The following TLN2 variants were observed in gnomAD, a reference collection of about 807,000 sequenced individuals.
TLN2 encodes talin 2, also known as talin-2.
Under a neutral mutation model 294.7 loss-of-function variants are expected in TLN2, and 118 were observed. The observed-to-expected ratio is 0.40, with a 90% CI of 0.34 to 0.47. The LOEUF is 0.47. Among genes scored for constraint, TLN2 ranks in the 20% least tolerant of loss-of-function variants. The pLI is 0.84. For synonymous variants in TLN2, 1,431 were observed against 1,304.5 expected (o/e 1.10, Z -2.09); for missense variants, 3,083 against 3,282.2 (o/e 0.94, Z 1.48).
At chr15:62,397,706 C>T (rs1192958369) in intron 1 of TLN2, among the ~76,000 whole-genome samples, 1 of 152,172 alleles carries the variant, frequency 6.6e-6, no homozygotes, top group Non-Finnish European at 1.5e-5. Context: ...AACTAAAATG[C>T]ATGGAAATCA....
At chr15:62,805,535 G>A in intron 50 of TLN2, 65 bp from the exon 51 acceptor site, 1 of 1,475,838 alleles carries the variant, frequency 6.8e-7, no homozygotes, top group African/African-American at 1.4e-5. Context: ...CCTGGTTGGA[G>A]AAGAATAAAT....
chr15:62,790,137 A>C (rs1480905215), intron 45 of TLN2, among the ~76,000 whole-genome samples: 1 of 152,244 alleles, frequency 6.6e-6, no homozygotes, highest in South Asian at 2.1e-4. Context: ...ACCAAAGCAA[A>C]ACACAGAAAT....
At chr15:62,581,728 A>G (rs993123701) in intron 1 of TLN2, among the ~76,000 whole-genome samples, 4 of 152,186 alleles carry the variant, frequency 2.6e-5, no homozygotes, top group African/African-American at 9.7e-5. Context: ...GTTTATTCAC[A>G]GACCCCAGGT....
rs369087702 is a variant in TLN2, at chr15:62,414,400, T to A, written c.-238+23715T>A. ...GTAAGAAGCTAGTTTGTCCTTCAAG[T>A]AGAGGCTGAGGTGCTGTGTTCAGCA... On this transcript the variant is annotated intron_variant, in intron 1 of 58. Transcript: ENST00000636159. 7.4e-4 allele frequency among the ~76,000 whole-genome samples: 102 copies of A among 137,496 alleles called. 5 individuals are homozygous for A. The highest frequency in any genetic ancestry group is 2.4e-3 in the African/African-American group (94 of 38,688). The allele number at this position is 137,496 out of a possible 152,430, so 90.2% of individuals were successfully genotyped here.
At chr15:62,582,246 A>C (rs1561751) in intron 1 of TLN2, among the ~76,000 whole-genome samples, 5,104 of 137,206 alleles carry the variant, frequency 0.037, 239 homozygotes, top group East Asian at 0.081. Flanking sequence ...ACACACACAC[A>C]CATTCATGCC....
intron 1 of TLN2, among the ~76,000 whole-genome samples, chr15:62,582,848 G>A (rs1017426831): frequency 5.9e-5 from 9 of 152,154 alleles, no homozygotes; most frequent in Admixed American, 4.6e-4. Flanking sequence ...GTAGATCAGA[G>A]TGTAGCCCAA....
intron 9 of TLN2, among the ~76,000 whole-genome samples, chr15:62,665,041 T>G (rs563723161): frequency 2.6e-5 from 4 of 152,094 alleles, no homozygotes; most frequent in Non-Finnish European, 5.9e-5. Flanking sequence ...TACTTTTCTA[T>G]AATTTGAAAT....
chr15:62,575,012 A>G (rs2140660359), intron 1 of TLN2, among the ~76,000 whole-genome samples: 1 of 152,260 alleles, frequency 6.6e-6, no homozygotes, highest in South Asian at 2.1e-4. Context: ...ATCATCTGAA[A>G]GTTTATTATC....
chr15:62,463,252 G>C (rs190048203), intron 1 of TLN2, among the ~76,000 whole-genome samples: 14 of 152,244 alleles, frequency 9.2e-5, no homozygotes, highest in Non-Finnish European at 1.3e-4. Context: ...CTTTCTGACC[G>C]TCCGCCCACC....
At chr15:62,483,100 C>T (rs1181350662) in intron 1 of TLN2, among the ~76,000 whole-genome samples, 1 of 152,218 alleles carries the variant, frequency 6.6e-6, no homozygotes, top group Non-Finnish European at 1.5e-5. Context: ...AGCTCCTTTG[C>T]TGGCTTGCTG....
At chr15:62,569,110 C>G (rs2043650449) in intron 1 of TLN2, among the ~76,000 whole-genome samples, 1 of 152,206 alleles carries the variant, frequency 6.6e-6, no homozygotes, top group Non-Finnish European at 1.5e-5. Context: ...CCTCTGTCTT[C>G]ATACAGTCTG....
chr15:62,767,358 T>C (rs1156289212), intron 41 of TLN2, among the ~76,000 whole-genome samples: 1 of 151,474 alleles, frequency 6.6e-6, no homozygotes, highest in Non-Finnish European at 1.5e-5. Flanking sequence ...GTTTTTTTTT[T>C]CAGACAGAGC....
chr15:62,659,573 T>A (rs764121936), intron 9 of TLN2, among the ~76,000 whole-genome samples: 13 of 152,206 alleles, frequency 8.5e-5, no homozygotes, highest in Non-Finnish European at 1.3e-4. Flanking sequence ...TGCTCCACAC[T>A]CACACTCCAG....
At chr15:62,524,081 G>A (rs955117640) in intron 1 of TLN2, among the ~76,000 whole-genome samples, 1 of 152,204 alleles carries the variant, frequency 6.6e-6, no homozygotes, top group Non-Finnish European at 1.5e-5. Context: ...TTCCCAGTTA[G>A]GCATTTTGTA....
intron 1 of TLN2, among the ~76,000 whole-genome samples, chr15:62,498,061 A>G (rs1226677337): frequency 6.6e-6 from 1 of 151,288 alleles, no homozygotes; most frequent in Non-Finnish European, 1.5e-5. Context: ...CAGCCTGGGT[A>G]ACATGTTGAA....
At chr15:62,766,762 C>G (rs1405173015) in intron 41 of TLN2, among the ~76,000 whole-genome samples, 2 of 152,250 alleles carry the variant, frequency 1.3e-5, no homozygotes, top group Non-Finnish European at 2.9e-5. Flanking sequence ...AGCCTGGAGT[C>G]TGCCACCTTT....
intron 32 of TLN2, among the ~76,000 whole-genome samples, chr15:62,741,748 C>CGCGCGCACGTGTGTGTGTGTGTGTGTGT: frequency 7.6e-6 from 1 of 131,072 alleles, no homozygotes; most frequent in African/African-American, 2.9e-5. Flanking sequence ...AAAATTTGCG[C>CGCGCGCACGTGTGTGTGTGTGTGTGTGT]GTGTGTGTGT....
chr15:62,820,628 G>A lies in TLN2; in HGVS notation c.7002+18G>A, dbSNP rs201643855. The A allele has an allele frequency of 1.2e-6, 2 of 1,610,138 alleles. No individual in the cohort carries two copies. The highest frequency in any genetic ancestry group is 2.2e-5 in the East Asian group (1 of 44,764). ...AACCAAAAGTAAGTGTTCATTTATG[G>A]TTGGCTGTCCGATGTCAGTGGGTTC... On this transcript the variant is annotated intron_variant, in intron 54 of 58. Coordinates refer to ENST00000636159, the MANE Select transcript of TLN2 (RefSeq NM_015059.3).
At chr15:62,705,488 TCTGA>T (rs1056618626) in intron 19 of TLN2, among the ~76,000 whole-genome samples, 3 of 152,204 alleles carry the variant, frequency 2.0e-5, no homozygotes, top group African/African-American at 7.2e-5. Context: ...ACATTCTTTT[TCTGA>T]CTGTATTTTT....
Sources: allele counts gnomAD v4.1 joint callset (sites outside exome capture counted in the v4.1 genomes callset), GRCh38; gene constraint gnomAD v4.1.1; transcripts MANE v1.5; gene names NCBI Gene and HGNC (gene_info 2026-07-23, HGNC 2026-07-21).